Variants in PCGF6 observed in about 807,000 individuals in gnomAD.
PCGF6 encodes polycomb group RING finger protein 6.
A neutral mutation model predicts 45.5 loss-of-function variants in PCGF6; 24 were observed. The observed-to-expected ratio is 0.53, with a 90% CI of 0.38 to 0.74. PCGF6 has a LOEUF of 0.74. Ranked by LOEUF, PCGF6 falls within the 30% of genes least tolerant of loss-of-function variation. The pLI, the probability that PCGF6 is intolerant of heterozygous loss-of-function variation, is 0.00. For missense variants in PCGF6, 356 were observed against 443.2 expected (o/e 0.80, Z 1.77); for synonymous variants, 152 against 162.1 (o/e 0.94, Z 0.47).
At chr10:103,336,171 T>C (rs1223430953) in intron 6 of PCGF6, among the ~76,000 whole-genome samples, 1 of 151,340 alleles carries the variant, frequency 6.6e-6, no homozygotes, top group Admixed American at 6.6e-5. Context: ...GAGGCAAAGG[T>C]TGCAGGGAGT....
chr10:103,327,415 G>C (rs2093222754), intron 7 of PCGF6, among the ~76,000 whole-genome samples: 1 of 152,170 alleles, frequency 6.6e-6, no homozygotes, highest in African/African-American at 2.4e-5. Context: ...ACAATGTATG[G>C]ACCTTACTGA....
chr10:103,322,878 C>CA (rs144007263), intron 8 of PCGF6, among the ~76,000 whole-genome samples: 7,156 of 105,886 alleles, frequency 0.068, 591 homozygotes, highest in African/African-American at 0.22. Flanking sequence ...TCCTTGCCAC[C>CA]AAAAAAAAAA....
At position 103,351,120 on chromosome 10, in the gene PCGF6, C is replaced by G; in HGVS notation, c.-54G>C. The G allele has an allele frequency of 7.5e-7, 1 of 1,335,810 alleles. No homozygotes were observed. The highest frequency in any genetic ancestry group is 2.3e-5 in the South Asian group (1 of 43,328). The allele number at this position is 1,335,810 out of a possible 1,614,324, so 82.7% of individuals were successfully genotyped here. On this transcript the variant is annotated 5_prime_UTR_variant, in exon 1 of 10. Transcript: ENST00000369847. ...GCGGCGGGAGAGCGCGGGAGTTCGG[C>G]CGGCCTCGGACGCCACCACTGCGCA...
intron 7 of PCGF6, among the ~76,000 whole-genome samples, chr10:103,329,860 ACT>A (rs2093233588): frequency 7.4e-6 from 1 of 134,428 alleles, no homozygotes; most frequent in East Asian, 2.3e-4. Flanking sequence ...CTCACTGCAA[ACT>A]CTGCCTCCTG....
At chr10:103,339,789 TTCTG>T (rs1462187237) in intron 6 of PCGF6, among the ~76,000 whole-genome samples, 11 of 121,702 alleles carry the variant, frequency 9.0e-5, no homozygotes, top group African/African-American at 2.0e-4. Flanking sequence ...AAAAGCGAAA[TTCTG>T]TCTGTCTCAA....
intron 6 of PCGF6, among the ~76,000 whole-genome samples, chr10:103,343,480 G>C (rs1449710013): frequency 6.6e-6 from 1 of 152,044 alleles, no homozygotes; most frequent in East Asian, 1.9e-4. Context: ...GACCATGACA[G>C]TCTGTTTAAC....
chr10:103,347,174 G>A, intron 5 of PCGF6, 64 bp downstream of exon 5: 1 of 1,280,678 alleles, frequency 7.8e-7, no homozygotes, highest in South Asian at 1.3e-5. Context: ...ACTTCAAAGG[G>A]CATATATTTT....
At chr10:103,329,914 G>A (rs552253200) in intron 7 of PCGF6, among the ~76,000 whole-genome samples, 1 of 152,162 alleles carries the variant, frequency 6.6e-6, no homozygotes, top group African/African-American at 2.4e-5. Flanking sequence ...GAGTAGCTGG[G>A]ACTACAGGCG....
intron 3 of PCGF6, among the ~76,000 whole-genome samples, chr10:103,348,088 A>T (rs2093306265): frequency 6.6e-6 from 1 of 152,174 alleles, no homozygotes; most frequent in African/African-American, 2.4e-5. Flanking sequence ...TTTACTAAAG[A>T]GGCCAGTTGT....
At chr10:103,305,968 C>G (rs1325282464) in intron 9 of PCGF6, among the ~76,000 whole-genome samples, 1 of 151,942 alleles carries the variant, frequency 6.6e-6, no homozygotes, top group African/African-American at 2.4e-5. Flanking sequence ...GGCAACTTAA[C>G]CCCCATACTA....
chr10:103,304,094 G>A, intron 9 of PCGF6, 133 bp from the exon 10 acceptor site: 2 of 679,220 alleles, frequency 2.9e-6, no homozygotes, highest in Non-Finnish European at 5.0e-6. Context: ...AAGAAAATAA[G>A]TGGACCATAT....
chr10:103,316,682 T>C (rs1344428736), intron 8 of PCGF6, among the ~76,000 whole-genome samples: 2 of 152,218 alleles, frequency 1.3e-5, no homozygotes, highest in African/African-American at 2.4e-5. Context: ...TTGTGGGCCA[T>C]AGCATCTCTG....
chr10:103,319,025 A>C (rs1185747621), intron 8 of PCGF6, among the ~76,000 whole-genome samples: 1 of 152,218 alleles, frequency 6.6e-6, no homozygotes, highest in Non-Finnish European at 1.5e-5. Context: ...CAGACCATGA[A>C]AGTAGTCTTA....
intron 8 of PCGF6, among the ~76,000 whole-genome samples, chr10:103,324,460 C>G (rs552687481): frequency 2.1e-4 from 32 of 151,420 alleles, no homozygotes; most frequent in African/African-American, 5.9e-4. Flanking sequence ...CATCGTACAA[C>G]AAGAAGAAAA....
chr10:103,347,383 A>G lies in PCGF6; in HGVS notation c.613+12T>C. ...TTCTGGGATTCACAACCATGTAATAAAAGAAACTTACTTTCCTCTAGATTG... is the reference window on the plus strand; with the variant it reads ...TTCTGGGATTCACAACCATGTAATAGAAGAAACTTACTTTCCTCTAGATTG... On this transcript the variant is annotated intron_variant, in intron 4 of 9. Transcript: ENST00000369847. 6.3e-7 allele frequency: 1 copy of G among 1,598,800 alleles called. No individual in the cohort carries two copies. The highest frequency in any genetic ancestry group is 2.2e-5 in the East Asian group (1 of 44,730).
chr10:103,349,479 G>T (rs1281238238), intron 1 of PCGF6, among the ~76,000 whole-genome samples: 15 of 108,150 alleles, frequency 1.4e-4, no homozygotes, highest in South Asian at 3.1e-4. Flanking sequence ...CTTTCTTTCC[G>T]TTTTTTTTTT....
intron 7 of PCGF6, among the ~76,000 whole-genome samples, chr10:103,327,987 T>G (rs1220628213): frequency 6.6e-6 from 1 of 152,020 alleles, no homozygotes; most frequent in African/African-American, 2.4e-5. Flanking sequence ...GGATTTCTTT[T>G]TTAAGTGAAA....
chr10:103,345,118 C>A lies in PCGF6; in HGVS notation c.688G>T (p.Val230Phe). 1 of 1,610,212 alleles carries A rather than the reference C, an allele frequency of 6.2e-7. No homozygotes were observed. Among genetic ancestry groups the A allele is most frequent in the Non-Finnish European group, 8.5e-7 (1 of 1,177,918 alleles). The change falls in exon 6 of 10, where the codon GTC becomes TTC. Residue 230 changes from valine (V) to phenylalanine (F), a missense_variant. Coordinates refer to ENST00000369847, the MANE Select transcript of PCGF6 (RefSeq NM_001011663.2). ...EVPKPAVPQP[V>F]PSSKGRSKKV... ...TTAGATCTTCCTTTGCTTGAAGGGA[C>A]TGGCTGTGGAACAGCTATTTAATAG...
At chr10:103,327,003 G>A (rs2093221342) in intron 7 of PCGF6, among the ~76,000 whole-genome samples, 4 of 151,988 alleles carry the variant, frequency 2.6e-5, no homozygotes, top group African/African-American at 9.7e-5. Context: ...AAACAACTTT[G>A]AGGCCGGGCA....
Sources: allele counts gnomAD v4.1 joint callset (sites outside exome capture counted in the v4.1 genomes callset), GRCh38; gene constraint gnomAD v4.1.1; transcripts MANE v1.5; gene names NCBI Gene and HGNC (gene_info 2026-07-23, HGNC 2026-07-21).